The following SPEN variants were observed in gnomAD, a reference collection of about 807,000 sequenced individuals.
The protein encoded by SPEN is spen family transcriptional repressor.
A neutral mutation model predicts 269.9 loss-of-function variants in SPEN; 18 were observed. The ratio of observed to expected loss-of-function variants is 0.07; its 90% confidence interval spans 0.05 to 0.10. The LOEUF (loss-of-function observed/expected upper bound fraction) is 0.10, where lower values mean the gene tolerates loss of function less well. Ranked by LOEUF, SPEN falls within the 10% of genes least tolerant of loss-of-function variation. The pLI is 1.00. For synonymous variants in SPEN, 1,726 were observed against 1,765.7 expected (o/e 0.98, Z 0.56); for missense variants, 3,822 against 4,631.2 (o/e 0.83, Z 5.07).
intron 3 of SPEN, among the ~76,000 whole-genome samples, chr1:15,904,452 C>CAAAAAAAAAAAAACAAAAAAAAAAAAAA (rs2070934624): frequency 2.1e-5 from 1 of 48,668 alleles, no homozygotes; most frequent in Non-Finnish European, 4.2e-5. Context: ...AACTCCATCT[C>CAAAAAAAAAAAAACAAAAAAAAAAAAAA]AAAAAAAAAA....
intron 3 of SPEN, among the ~76,000 whole-genome samples, chr1:15,893,398 T>G (rs1426325739): frequency 6.6e-6 from 1 of 152,202 alleles, no homozygotes; most frequent in Non-Finnish European, 1.5e-5. Flanking sequence ...CATCTTGGAC[T>G]GTAGCTTTGT....
Position 15,931,454 on chromosome 1 carries a change from C to T in SPEN, c.5214C>T (p.Pro1738=), listed in dbSNP as rs775028815. 2.4e-5 allele frequency: 38 copies of T among 1,614,008 alleles called. No individual in the cohort carries two copies. Among genetic ancestry groups the T allele is most frequent in the African/African-American group, 1.5e-4 (11 of 74,892 alleles). ...ATCTGGATGCCAAGCCTCCAACTCC[C>T]GGGGCCTCGTTTTCCCAGGCAGAGA... ...PPYLDAKPPT[P]GASFSQAESN... Residue 1738 remains proline (P), a synonymous_variant, in exon 11 of 15, where the codon CCC becomes CCT. Coordinates refer to ENST00000375759, the MANE Select transcript of SPEN (RefSeq NM_015001.3). The surrounding 1 kb of genome is among the most constrained non-coding windows in gnomAD (Gnocchi z 4.8).
At chr1:15,857,061 C>A (rs12121918) in intron 1 of SPEN, among the ~76,000 whole-genome samples, 27,355 of 151,752 alleles carry the variant, frequency 0.18, 3,126 homozygotes, top group South Asian at 0.28. Flanking sequence ...TTTTCTCCTT[C>A]CTGTATTTTT....
chr1:15,910,757 C>T (rs1216091431), intron 4 of SPEN, among the ~76,000 whole-genome samples: 1 of 151,846 alleles, frequency 6.6e-6, no homozygotes, highest in East Asian at 1.9e-4. Context: ...TCATTCTTAC[C>T]TAACAAAATA....
intron 1 of SPEN, among the ~76,000 whole-genome samples, chr1:15,850,138 A>AGTCC (rs1481262641): frequency 6.6e-6 from 1 of 152,152 alleles, no homozygotes. Context: ...AATGGCGGCC[A>AGTCC]GGACCCACTT....
chr1:15,885,637 G>A (rs1303161769), intron 3 of SPEN, among the ~76,000 whole-genome samples: 1 of 152,176 alleles, frequency 6.6e-6, no homozygotes, highest in Non-Finnish European at 1.5e-5. Flanking sequence ...ATTAGTGTCT[G>A]TAATACTTGA....
rs776660027 is a variant in SPEN at position 15,928,771 on chromosome 1, G to A, written c.2531G>A (p.Arg844Gln). The change falls in exon 11 of 15, where the codon CGA becomes CAA. Residue 844 changes from arginine to glutamine, a missense_variant. Around this residue, in one of 16 missense-constraint regions of SPEN, gnomAD observed 572 missense variants for 582.6 expected, o/e 0.98. Coordinates refer to ENST00000375759, the MANE Select transcript of SPEN (RefSeq NM_015001.3). The surrounding 1 kb of genome is among the most constrained non-coding windows in gnomAD (Gnocchi z 5.7). Reference sequence around the variant, plus strand: ...TCAGAAACGGACCAAGAAAATGAGCGAGAGCAAAGCCCTGAAAAGCCCAGG... The same window carrying A: ...TCAGAAACGGACCAAGAAAATGAGCAAGAGCAAAGCCCTGAAAAGCCCAGG... ...QSSETDQENE[R>Q]EQSPEKPRSC... 6.2e-6 allele frequency: 10 copies of A among 1,614,056 alleles called. No individual in the cohort carries two copies. Among genetic ancestry groups the A allele is most frequent in the East Asian group, 4.5e-5 (2 of 44,878 alleles).
rs896450046 is a variant in SPEN, at chr1:15,932,805, G to T, written c.6565G>T (p.Ala2189Ser). 1.2e-6 allele frequency: 2 copies of T among 1,614,098 alleles called. No homozygotes were observed. Among genetic ancestry groups the T allele is most frequent in the African/African-American group, 2.7e-5 (2 of 74,936 alleles). Residue 2189 changes from alanine (A) to serine (S), a missense_variant, in exon 11 of 15, where the codon GCC becomes TCC. Coordinates refer to ENST00000375759, the MANE Select transcript of SPEN (RefSeq NM_015001.3). This position sits in a 1 kb window ranked among gnomAD's most constrained non-coding sequence, Gnocchi z 4.2. ...GCTCGCTGAGGCCTCTGCCTCTGCTGCCTATAAGGCAGATGCACCAGAGGG... is the reference window on the plus strand; with the variant it reads ...GCTCGCTGAGGCCTCTGCCTCTGCTTCCTATAAGGCAGATGCACCAGAGGG... ...AKLAEASASAAYKADAPEGLA... is the reference protein window; with the variant it reads ...AKLAEASASASYKADAPEGLA...
intron 3 of SPEN, among the ~76,000 whole-genome samples, chr1:15,906,890 C>T (rs1440875996): frequency 6.6e-6 from 1 of 150,708 alleles, no homozygotes; most frequent in South Asian, 2.1e-4. Context: ...TCCTCTGCCT[C>T]AGCCTCCCCA....
In SPEN at chr1:15,862,539, A is replaced by G. The variant is rs570087736; in HGVS notation, c.84-10277A>G. ...TTCAGGCTTTTTATTTGCTCTAACC[A>G]GTAGAATCTAAAGATTACAGAAACT... On this transcript the variant is annotated intron_variant, in intron 1 of 14. Transcript: ENST00000375759. Among the ~76,000 whole-genome samples, 3 of 152,320 alleles carry G rather than the reference A, an allele frequency of 2.0e-5. No homozygotes were observed. The East Asian group carries it at 5.8e-4, about 29-fold the overall frequency.
In SPEN at chr1:15,928,090, G is replaced by T; in HGVS notation, c.1851-1G>T. 6.3e-7 allele frequency: 1 copy of T among 1,579,876 alleles called. No individual in the cohort carries two copies. Among genetic ancestry groups the T allele is most frequent in the South Asian group, 1.1e-5 (1 of 86,984 alleles). On this transcript the variant is annotated splice_acceptor_variant, in intron 10 of 14. Transcript: ENST00000375759. LOFTEE classifies it high-confidence loss of function. This position sits in a 1 kb window ranked among gnomAD's most constrained non-coding sequence, Gnocchi z 5.7. ...CTAATATCTTTGTTATTTTTTGGCA[G>T]AGAGGAACGAAGGGCATCCTACGAC...
In SPEN at chr1:15,876,388, T is replaced by C; in HGVS notation, c.591T>C (p.His197=). The C allele has an allele frequency of 9.9e-6, 16 of 1,614,128 alleles. No homozygotes were observed. The highest frequency in any genetic ancestry group is 1.4e-5 in the Non-Finnish European group (16 of 1,180,016). ...GAAGTCCAAATCGCTTTGATGCTCA[T>C]GACCCCCGATATGAACCTAGGGCTC... is the stretch of plus-strand genomic sequence containing the variant. The part of the protein sequence containing the change: ...RSRSPNRFDA[H]DPRYEPRARE... The change falls in exon 3 of 15, where the codon CAT becomes CAC. Residue 197 remains histidine (H), a synonymous_variant. Coordinates refer to ENST00000375759, the MANE Select transcript of SPEN (RefSeq NM_015001.3).
chr1:15,918,591 A>C (rs1570046455), intron 6 of SPEN, among the ~76,000 whole-genome samples: 1 of 152,338 alleles, frequency 6.6e-6, no homozygotes, highest in Middle Eastern at 3.4e-3. Flanking sequence ...ATTTCTTAGG[A>C]TTTCATTAAA....
chr1:15,867,329 A>G (rs2070524546), intron 1 of SPEN, among the ~76,000 whole-genome samples: 1 of 152,140 alleles, frequency 6.6e-6, no homozygotes, highest in Non-Finnish European at 1.5e-5. Context: ...TTTGTTGCTG[A>G]ACAATATTCC....
intron 3 of SPEN, among the ~76,000 whole-genome samples, chr1:15,883,767 C>T (rs1448598230): frequency 1.3e-5 from 2 of 149,632 alleles, no homozygotes; most frequent in African/African-American, 4.9e-5. Flanking sequence ...TTATCTATAA[C>T]CCTATTACTT....
At chr1:15,861,134 C>CTTTT (rs1169274095) in intron 1 of SPEN, among the ~76,000 whole-genome samples, 1 of 136,126 alleles carries the variant, frequency 7.3e-6, no homozygotes, top group Non-Finnish European at 1.6e-5. Context: ...GGCTGAGTGA[C>CTTTT]TTTTTTTTTT....
At chr1:15,861,791 C>T (rs1235668498) in intron 1 of SPEN, among the ~76,000 whole-genome samples, 2 of 152,026 alleles carry the variant, frequency 1.3e-5, no homozygotes, top group Non-Finnish European at 2.9e-5. Flanking sequence ...CCTGTAATCC[C>T]AGCACTTTGG....
In SPEN at chr1:15,911,155, C is replaced by G. The variant is rs1401883382; in HGVS notation, c.1097C>G (p.Thr366Ser). The part of the protein sequence containing the change: ...FHEFKKFGKV[T>S]SVQIHGTSEE... ...GAATTTAAGAAATTTGGAAAAGTAA[C>G]TTCAGTGCAGATACATGGAACTTCA... Residue 366 changes from threonine (T) to serine (S), a missense_variant, in exon 5 of 15, where the codon ACT (threonine) becomes AGT (serine). By Grantham distance (58) the Thr-to-Ser change is moderately conservative (BLOSUM62 1). Coordinates refer to ENST00000375759, the MANE Select transcript of SPEN (RefSeq NM_015001.3). 2.5e-6 allele frequency: 4 copies of G among 1,613,970 alleles called. No individual in the cohort carries two copies. Among genetic ancestry groups the G allele is most frequent in the Non-Finnish European group, 3.4e-6 (4 of 1,180,024 alleles).
intron 3 of SPEN, among the ~76,000 whole-genome samples, chr1:15,884,213 A>G (rs1570002920): frequency 6.6e-6 from 1 of 152,204 alleles, no homozygotes; most frequent in Non-Finnish European, 1.5e-5. Flanking sequence ...TTAAAAAAGC[A>G]TGAAAGTCTG....
Sources: gnomAD v4.1 joint callset for allele counts (sites outside exome capture counted in the v4.1 genomes callset) on GRCh38, gnomAD v4.1.1 for gene constraint, gnomAD v4.1.1 regional missense constraint, Gnocchi (gnomAD v3.1) non-coding constraint, MANE v1.5 for transcripts, NCBI Gene and HGNC (gene_info 2026-07-23, HGNC 2026-07-21) for gene names.